Variants in TRPC1 observed in about 807,000 individuals in gnomAD.
TRPC1 encodes short transient receptor potential channel 1.
In TRPC1, 42 loss-of-function variants were observed where a neutral mutation model predicts 88.2. The observed-to-expected ratio is 0.48, with a 90% CI of 0.37 to 0.62. The LOEUF (loss-of-function observed/expected upper bound fraction) is 0.62, where lower values mean the gene tolerates loss of function less well. Ranked by LOEUF, TRPC1 falls within the 20% of genes least tolerant of loss-of-function variation. The pLI is 0.00. For missense variants in TRPC1, 699 were observed against 957.3 expected (o/e 0.73, Z 3.56); for synonymous variants, 288 against 331.8 (o/e 0.87, Z 1.43).
chr3:142,783,294 G>A (rs1214318763), intron 6 of TRPC1, among the ~76,000 whole-genome samples: 1 of 152,178 alleles, frequency 6.6e-6, no homozygotes, highest in African/African-American at 2.4e-5. Context: ...CTGGTCATTG[G>A]TGAGAGGAAA....
chr3:142,788,412 G>A (rs1239597861), intron 7 of TRPC1, among the ~76,000 whole-genome samples: 1 of 152,120 alleles, frequency 6.6e-6, no homozygotes, highest in African/African-American at 2.4e-5. Flanking sequence ...GAAGGAAAGG[G>A]AGATTATTAA....
At chr3:142,747,639 G>T (rs1560097777) in intron 3 of TRPC1, among the ~76,000 whole-genome samples, 6 of 152,164 alleles carry the variant, frequency 3.9e-5, no homozygotes. Context: ...GATGATAAAT[G>T]TAAAGTGCCT....
intron 4 of TRPC1, among the ~76,000 whole-genome samples, chr3:142,756,989 G>T (rs1190146598): frequency 6.6e-6 from 1 of 152,094 alleles, no homozygotes; most frequent in Admixed American, 6.6e-5. Context: ...GTCTTTCTGT[G>T]CTTGGCTTAT....
chr3:142,766,710 C>T (rs1935402776), intron 4 of TRPC1, among the ~76,000 whole-genome samples: 1 of 152,190 alleles, frequency 6.6e-6, no homozygotes, highest in Admixed American at 6.5e-5. Context: ...ATGCTGGATG[C>T]CCTCAAACAC....
At chr3:142,752,924 G>A (rs932854034) in intron 4 of TRPC1, among the ~76,000 whole-genome samples, 1 of 152,162 alleles carries the variant, frequency 6.6e-6, no homozygotes, top group African/African-American at 2.4e-5. Context: ...CAAAGTGGCT[G>A]GGTCAGAGTG....
Position 142,724,550 on chromosome 3 carries a change from A to T in TRPC1, c.-10A>T, listed in dbSNP as rs1160445300. ...CCCCGTCTCCTGGCCTGCCCCCTTC[A>T]TGGGCCGCGATGATGGCGGCCCTGT... On this transcript the variant is annotated 5_prime_UTR_variant, in exon 1 of 13. An upstream start codon of the reference 5' UTR is lost. Coordinates refer to ENST00000476941, the MANE Select transcript of TRPC1 (RefSeq NM_001251845.2). This position sits in a 1 kb window ranked among gnomAD's most constrained non-coding sequence, Gnocchi z 5.6. 2.6e-6 allele frequency: 4 copies of T among 1,555,708 alleles called. No individual in the cohort carries two copies. The highest frequency in any genetic ancestry group is 2.6e-6 in the Non-Finnish European group (3 of 1,153,190).
Position 142,776,654 on chromosome 3 carries a change from C to T in TRPC1, c.633-978C>T, listed in dbSNP as rs974307773. 1.3e-5 allele frequency among the ~76,000 whole-genome samples: 2 copies of T among 152,038 alleles called. No individual in the cohort carries two copies. The highest frequency in any genetic ancestry group is 4.8e-5 in the African/African-American group (2 of 41,406). On this transcript the variant is annotated intron_variant, in intron 4 of 12. Transcript: ENST00000476941. This position sits in a 1 kb window ranked among gnomAD's most constrained non-coding sequence, Gnocchi z 4.1. ...GCGCGGTGGCTCACGCCTGTAATCC[C>T]AGCACTTTGGGAGGCCGAGGTGGCT...
intron 4 of TRPC1, among the ~76,000 whole-genome samples, chr3:142,773,114 T>A (rs73232704): frequency 0.11 from 16,216 of 152,274 alleles, 1,038 homozygotes; most frequent in Non-Finnish European, 0.15. Flanking sequence ...AGACAGAACT[T>A]CAGCATATGA....
At chr3:142,794,298 A>G (rs1281182168) in intron 9 of TRPC1, among the ~76,000 whole-genome samples, 2 of 152,084 alleles carry the variant, frequency 1.3e-5, no homozygotes, top group Non-Finnish European at 2.9e-5. Context: ...CTAGGTTTCT[A>G]TACTGGAAAT....
intron 9 of TRPC1, 76 bp from the exon 10 acceptor site, chr3:142,802,093 T>C: frequency 9.6e-7 from 1 of 1,036,492 alleles, no homozygotes. Flanking sequence ...TTCTTCCTTT[T>C]GTTGCTGGGT....
intron 1 of TRPC1, among the ~76,000 whole-genome samples, chr3:142,727,737 A>G (rs1933741045): frequency 6.6e-6 from 1 of 152,224 alleles, no homozygotes; most frequent in East Asian, 1.9e-4. Context: ...ATAGAAAGCT[A>G]TATAAATTCA....
intron 9 of TRPC1, among the ~76,000 whole-genome samples, chr3:142,801,432 A>G (rs958888972): frequency 3.3e-5 from 5 of 152,124 alleles, no homozygotes; most frequent in Admixed American, 6.6e-5. Flanking sequence ...TGCTGGGTCA[A>G]AAAAGTACTA....
intron 7 of TRPC1, among the ~76,000 whole-genome samples, chr3:142,786,805 A>T (rs1936148069): frequency 6.6e-6 from 1 of 152,222 alleles, no homozygotes; most frequent in Non-Finnish European, 1.5e-5. Flanking sequence ...GAAATTTTAT[A>T]ACATTTATCT....
chr3:142,738,962 G>T (rs560502172), intron 2 of TRPC1, among the ~76,000 whole-genome samples: 106 of 152,102 alleles, frequency 7.0e-4, no homozygotes, highest in Non-Finnish European at 1.4e-3. Context: ...GGATGAGTTA[G>T]ATATTATTTT....
At chr3:142,782,343 G>T (rs1032414815) in intron 6 of TRPC1, among the ~76,000 whole-genome samples, 11 of 152,132 alleles carry the variant, frequency 7.2e-5, no homozygotes, top group Non-Finnish European at 1.5e-4. Context: ...TTTTAAAGAT[G>T]AATGAAAATG....
At chr3:142,785,735 G>A (rs1936114267) in intron 7 of TRPC1, among the ~76,000 whole-genome samples, 1 of 152,084 alleles carries the variant, frequency 6.6e-6, no homozygotes. Context: ...TCCTGACTTC[G>A]TAATCCTCCT....
intron 4 of TRPC1, among the ~76,000 whole-genome samples, chr3:142,772,184 G>A (rs1277970136): frequency 6.6e-6 from 1 of 151,992 alleles, no homozygotes; most frequent in Non-Finnish European, 1.5e-5. Context: ...TTAGCTTCCT[G>A]GATGTGTTGG....
intron 2 of TRPC1, among the ~76,000 whole-genome samples, 190 bp from the exon 3 acceptor site, chr3:142,743,295 T>C (rs1386436375): frequency 8.2e-6 from 1 of 121,682 alleles, no homozygotes; most frequent in Non-Finnish European, 2.0e-5. Flanking sequence ...AACGTGTGTA[T>C]TGTGGTACAC....
At chr3:142,771,968 C>A (rs943433251) in intron 4 of TRPC1, among the ~76,000 whole-genome samples, 1 of 152,004 alleles carries the variant, frequency 6.6e-6, no homozygotes, top group Non-Finnish European at 1.5e-5. Context: ...TTTTAAATTT[C>A]TTTGAGTACT....
Sources: allele counts gnomAD v4.1 joint callset (sites outside exome capture counted in the v4.1 genomes callset), GRCh38; gene constraint gnomAD v4.1.1; non-coding constraint Gnocchi (gnomAD v3.1); transcripts MANE v1.5; gene names NCBI Gene and HGNC (gene_info 2026-07-23, HGNC 2026-07-21).